SYTL5: variants seen among roughly 807,000 people sequenced by gnomAD.
SYTL5 encodes the protein synaptotagmin like 5.
Under a neutral mutation model 55.9 loss-of-function variants are expected in SYTL5, and 34 were observed. The observed-to-expected ratio is 0.61, with a 90% CI of 0.46 to 0.81. The LOEUF is 0.81. Ranked by LOEUF, SYTL5 falls within the 30% of genes least tolerant of loss-of-function variation. SYTL5 has a pLI of 0.00. For missense variants in SYTL5, 637 were observed against 546.7 expected (o/e 1.17, Z -1.65); for synonymous variants, 221 against 188.7 (o/e 1.17, Z -1.40).
intron 1 of SYTL5, among the ~76,000 whole-genome samples, chrX:38,020,850 A>G (rs1470801383): frequency 1.2e-4 from 13 of 111,771 alleles, no homozygotes; most frequent in African/African-American, 3.9e-4. Flanking sequence ...CAAATGATAT[A>G]TTCTTCAAAC....
chrX:37,998,435 C>G, the SYTL5 span, among the ~76,000 whole-genome samples: 1 of 112,006 alleles, frequency 8.9e-6, no homozygotes, highest in Non-Finnish European at 1.9e-5. Context: ...CCATGTTTCC[C>G]GGTGCCAGCT....
intron 13 of SYTL5, among the ~76,000 whole-genome samples, chrX:38,118,727 G>A (rs915684439): frequency 9.0e-6 from 1 of 110,583 alleles, no homozygotes; most frequent in African/African-American, 3.3e-5. Context: ...GTAACCTATA[G>A]CAAAGATGTA....
intron 8 of SYTL5, among the ~76,000 whole-genome samples, chrX:38,094,976 A>G: frequency 8.9e-6 from 1 of 111,982 alleles, no homozygotes; most frequent in East Asian, 2.8e-4. Context: ...TCATTTTGAA[A>G]TGTTAATAGC....
chrX:37,932,335 C>T, the SYTL5 span, among the ~76,000 whole-genome samples: 1 of 110,973 alleles, frequency 9.0e-6, no homozygotes, highest in African/African-American at 3.3e-5. Context: ...GGAGGGGGAG[C>T]CATCTTTACT....
intron 4 of SYTL5, among the ~76,000 whole-genome samples, chrX:38,072,648 G>A (rs1219561365): frequency 9.0e-6 from 1 of 111,661 alleles, no homozygotes; most frequent in Non-Finnish European, 1.9e-5. Context: ...AAGGCAAGGG[G>A]GGCATTTCTG....
chrX:38,042,753 G>T lies in SYTL5; in HGVS notation c.119+8745G>T, dbSNP rs1375517292. 2.7e-5 allele frequency among the ~76,000 whole-genome samples: 3 copies of T among 111,785 alleles called. No homozygotes were observed. In the Admixed American group the frequency reaches 2.9e-4, roughly 11 times the overall value. On this transcript the variant is annotated intron_variant, in intron 2 of 16. Transcript: ENST00000297875. ...ACCTGGCTGAATGTTGGGGCTGGAAGGGGGAGTAAAGAAGACCCATCCCCT... is the reference window on the plus strand; with the variant it reads ...ACCTGGCTGAATGTTGGGGCTGGAATGGGGAGTAAAGAAGACCCATCCCCT...
intron 1 of SYTL5, among the ~76,000 whole-genome samples, chrX:38,033,146 G>A (rs974588940): frequency 1.8e-5 from 2 of 111,583 alleles, no homozygotes; most frequent in African/African-American, 6.5e-5. Flanking sequence ...GTTTTGGAAA[G>A]GAAGGAAGAA....
the SYTL5 span, among the ~76,000 whole-genome samples, chrX:37,972,469 C>T: frequency 9.0e-6 from 1 of 111,445 alleles, no homozygotes; most frequent in African/African-American, 3.3e-5. Flanking sequence ...GGTGGGGCTT[C>T]AATGGACCCC....
the SYTL5 span, among the ~76,000 whole-genome samples, chrX:37,904,266 G>GGT: frequency 3.6e-3 from 260 of 73,091 alleles, 1 homozygote; most frequent in African/African-American, 0.014. Context: ...GGGGTGGTCC[G>GGT]GGGGGGGGGG....
At chrX:37,935,976 G>A in the SYTL5 span, among the ~76,000 whole-genome samples, 1 of 111,761 alleles carries the variant, frequency 8.9e-6, no homozygotes, top group Admixed American at 9.5e-5. Flanking sequence ...CTGGCCACAA[G>A]AGACATACTT....
Position 38,110,394 on chromosome X carries a change from G to T in SYTL5, c.1508G>T (p.Arg503Leu), listed in dbSNP as rs762960155. The T allele has an allele frequency of 5.8e-6, 7 of 1,208,350 alleles. No individual in the cohort carries two copies. Among genetic ancestry groups the T allele is most frequent in the Non-Finnish European group, 7.8e-6 (7 of 893,106 alleles). ...LSVWHYDRFG[R>L]NSFLGEVEIP... ...GTCTGGCACTATGATCGATTTGGAC[G>T]TAATAGCTTCCTCGGGGAAGTAGAG... Residue 503 changes from arginine (R) to leucine (L), a missense_variant, in exon 13 of 17, where the codon CGT (arginine) becomes CTT (leucine). Physicochemically the swap from Arg to Leu is moderately radical, Grantham distance 102 (BLOSUM62 -2). Coordinates refer to ENST00000297875, the MANE Select transcript of SYTL5 (RefSeq NM_138780.3).
chrX:38,043,690 T>TATATAC (rs1366385489), intron 2 of SYTL5, among the ~76,000 whole-genome samples: 2 of 69,556 alleles, frequency 2.9e-5, no homozygotes, highest in Non-Finnish European at 4.8e-5. Flanking sequence ...TATATATATA[T>TATATAC]ACATATATAT....
At chrX:37,951,285 A>AT in the SYTL5 span, among the ~76,000 whole-genome samples, 2 of 111,892 alleles carry the variant, frequency 1.8e-5, no homozygotes, top group African/African-American at 6.5e-5. Flanking sequence ...TTCAATGGTG[A>AT]TTTTTTGAAT....
At chrX:38,097,904 C>T (rs1936978352) in intron 9 of SYTL5, among the ~76,000 whole-genome samples, 1 of 108,723 alleles carries the variant, frequency 9.2e-6, no homozygotes, top group Non-Finnish European at 1.9e-5. Flanking sequence ...ACTTTATGGC[C>T]AATTGATTTT....
intron 1 of SYTL5, among the ~76,000 whole-genome samples, chrX:38,024,653 T>C (rs1435590715): frequency 1.8e-5 from 2 of 111,477 alleles, no homozygotes; most frequent in African/African-American, 6.5e-5. Context: ...TTAACATCTC[T>C]GTGCCTCAGT....
At position 38,128,124 on chromosome X, in the gene SYTL5, G is replaced by A. The variant is rs1490811169; in HGVS notation, c.*1394G>A. Reference sequence around the variant, plus strand: ...CCAGATGCTTGAGCTACGAAACTTAGATGCAAAGAAAGTTAAAGCTAGAAG... The same window carrying A: ...CCAGATGCTTGAGCTACGAAACTTAAATGCAAAGAAAGTTAAAGCTAGAAG... On this transcript the variant is annotated 3_prime_UTR_variant, in exon 17 of 17. Transcript: ENST00000297875. 6.2e-5 allele frequency: 7 copies of A among 112,072 alleles called. No homozygotes were observed. Among genetic ancestry groups the A allele is most frequent in the Non-Finnish European group, 1.3e-4 (7 of 53,249 alleles). The allele number at this position is 112,072 out of a possible 1,213,427, so 9.2% of individuals were successfully genotyped here.
chrX:37,916,985 A>G, the SYTL5 span, among the ~76,000 whole-genome samples: 1 of 111,517 alleles, frequency 9.0e-6, no homozygotes, highest in South Asian at 3.8e-4. Flanking sequence ...GTTTATGATG[A>G]TCTTGTCAGT....
At chrX:37,957,935 G>A in the SYTL5 span, among the ~76,000 whole-genome samples, 6 of 112,069 alleles carry the variant, frequency 5.4e-5, no homozygotes, top group African/African-American at 1.9e-4. Flanking sequence ...GTGACTGGGC[G>A]TGGTGGCTCA....
chrX:38,033,701 G>A lies in SYTL5; in HGVS notation c.-189G>A, dbSNP rs1486661801. 1.5e-5 allele frequency: 4 copies of A among 273,890 alleles called. No homozygotes were observed. The highest frequency in any genetic ancestry group is 5.5e-5 in the East Asian group (1 of 18,326). 22.6% of individuals were successfully genotyped at this position (273,890 alleles called of 1,213,427 possible). A position where few individuals can be genotyped will look rare whatever the true frequency, so the allele number is the denominator to read the frequency against. On this transcript the variant is annotated 5_prime_UTR_variant, in exon 2 of 17. Coordinates refer to ENST00000297875, the MANE Select transcript of SYTL5 (RefSeq NM_138780.3). ...TTTCTTGGAGTGTAATCCCAGTGGA[G>A]GCTGTTCTACGTATAGCCTGAAAGA...
Sources: gnomAD v4.1 joint callset for allele counts (sites outside exome capture counted in the v4.1 genomes callset) on GRCh38, gnomAD v4.1.1 for gene constraint, MANE v1.5 for transcripts, NCBI Gene and HGNC (gene_info 2026-07-23, HGNC 2026-07-21) for gene names.